Variants in ZBTB16 observed in about 807,000 individuals in gnomAD.
The protein encoded by ZBTB16 is zinc finger and BTB domain-containing protein 16.
A neutral mutation model predicts 56.8 loss-of-function variants in ZBTB16; 8 were observed. The ratio of observed to expected loss-of-function variants is 0.14; its 90% CI spans 0.08 to 0.25. ZBTB16 has a LOEUF of 0.25. Ranked by LOEUF, ZBTB16 falls within the 10% of genes least tolerant of loss-of-function variation. The pLI is 1.00. For synonymous variants in ZBTB16, 363 were observed against 368.5 expected, an observed-to-expected ratio of 0.98 and a Z score of 0.17; for missense variants, 625 against 903.0, an observed-to-expected ratio of 0.69 and a Z score of 3.95.
At chr11:114,165,640 T>C (rs1942727318) in intron 3 of ZBTB16, among the ~76,000 whole-genome samples, 1 of 152,172 alleles carries the variant, frequency 6.6e-6, no homozygotes, top group Non-Finnish European at 1.5e-5. Context: ...AAAAGGATTA[T>C]AAATACCAGG....
At chr11:114,174,222 C>T (rs1470476357) in intron 3 of ZBTB16, among the ~76,000 whole-genome samples, 2 of 152,150 alleles carry the variant, frequency 1.3e-5, no homozygotes, top group Non-Finnish European at 2.9e-5. Flanking sequence ...TTGTTTCGTG[C>T]CTGGACCAGG....
At chr11:114,102,132 C>G (rs1048773679) in intron 2 of ZBTB16, among the ~76,000 whole-genome samples, 3 of 152,202 alleles carry the variant, frequency 2.0e-5, no homozygotes, top group Non-Finnish European at 2.9e-5. Flanking sequence ...TCCCAGACCT[C>G]TGGGACATAC....
intron 2 of ZBTB16, among the ~76,000 whole-genome samples, chr11:114,122,701 A>G (rs920017138): frequency 6.6e-6 from 1 of 152,146 alleles, no homozygotes; most frequent in Non-Finnish European, 1.5e-5. Context: ...TGCAGACCAC[A>G]GAGTCGAAAA....
intron 4 of ZBTB16, among the ~76,000 whole-genome samples, chr11:114,240,596 G>C (rs1025824613): frequency 1.4e-4 from 21 of 152,178 alleles, no homozygotes; most frequent in African/African-American, 4.8e-4. Flanking sequence ...ACACAGATGG[G>C]CCTGCCGGGG....
intron 2 of ZBTB16, among the ~76,000 whole-genome samples, chr11:114,106,255 C>T (rs1019105299): frequency 6.6e-6 from 1 of 152,170 alleles, no homozygotes; most frequent in South Asian, 2.1e-4. Context: ...AGAGACTACT[C>T]ATCCCTTCCC....
intron 5 of ZBTB16, among the ~76,000 whole-genome samples, chr11:114,246,527 G>A (rs1944820951): frequency 6.6e-6 from 1 of 152,170 alleles, no homozygotes; most frequent in Non-Finnish European, 1.5e-5. Context: ...GCATAAAAAT[G>A]ATACCACACT....
At chr11:114,245,282 G>C (rs1363536654) in intron 5 of ZBTB16, among the ~76,000 whole-genome samples, 1 of 152,218 alleles carries the variant, frequency 6.6e-6, no homozygotes, top group African/African-American at 2.4e-5. Context: ...CTGCAGGTGA[G>C]GGACTCGCTG....
chr11:114,254,615 CTG>C lies in ZBTB16; in HGVS notation c.*4061_*4062del. 6.6e-6 allele frequency among the ~76,000 whole-genome samples: 1 copy of C among 152,090 alleles called. No individual in the cohort carries two copies. Among genetic ancestry groups the C allele is most frequent in the East Asian group, 1.9e-4 (1 of 5,188 alleles). ...CCGGCAAGCCGAGCTAGGGTGAAAACTGGGGGCGCACCAGGATGTGAGACAGA... is the reference window on the plus strand; with the variant it reads ...CCGGCAAGCCGAGCTAGGGTGAAAACGGGGCGCACCAGGATGTGAGACAGA... On this transcript the variant is annotated 3_prime_UTR_variant, in exon 7 of 7. Coordinates refer to ENST00000335953, the MANE Select transcript of ZBTB16 (RefSeq NM_006006.6).
chr11:114,116,209 TG>T (rs1941170885), intron 2 of ZBTB16, among the ~76,000 whole-genome samples: 1 of 152,150 alleles, frequency 6.6e-6, no homozygotes, highest in Non-Finnish European at 1.5e-5. Context: ...CATTAATAGC[TG>T]GGGAGCCACT....
chr11:114,182,700 C>G (rs1018329390), intron 3 of ZBTB16, among the ~76,000 whole-genome samples: 1 of 152,162 alleles, frequency 6.6e-6, no homozygotes, highest in Non-Finnish European at 1.5e-5. Flanking sequence ...TTCTTCCCTC[C>G]CACTTCGCCC....
Position 114,059,716 on chromosome 11 carries a change from AGAG to A in ZBTB16, c.-253_-251del. 2.5e-6 allele frequency: 1 copy of A among 398,140 alleles called. No homozygotes were observed. The highest frequency in any genetic ancestry group is 4.4e-6 in the Non-Finnish European group (1 of 225,960). The allele number at this position is 398,140 out of a possible 1,614,324, so 24.7% of individuals were successfully genotyped here. On this transcript the variant is annotated 5_prime_UTR_variant, in exon 1 of 7. Coordinates refer to ENST00000335953, the MANE Select transcript of ZBTB16 (RefSeq NM_006006.6). This position sits in a 1 kb window ranked among gnomAD's most constrained non-coding sequence, Gnocchi z 5.3. The stretch of plus-strand genomic sequence containing the variant: ...TGGTGATTTGCTAACCTCGCAGCAG[AGAG>A]GAGTTGAGGGCGATGAGAGCGGGTA...
intron 2 of ZBTB16, among the ~76,000 whole-genome samples, chr11:114,076,900 C>T (rs1389276688): frequency 6.6e-6 from 1 of 152,110 alleles, no homozygotes; most frequent in Non-Finnish European, 1.5e-5. Context: ...GTCCTGACAG[C>T]TACAAGAGTA....
chr11:114,124,472 T>C (rs73000978), intron 2 of ZBTB16, among the ~76,000 whole-genome samples: 14,303 of 148,646 alleles, frequency 0.096, 881 homozygotes, highest in Non-Finnish European at 0.14. Flanking sequence ...GTTCTGGAAT[T>C]CCAGCCTTGC....
rs1565698257 is a variant in ZBTB16, at chr11:114,230,645, G to GA, written c.1454-11520dup. Among the ~76,000 whole-genome samples the GA allele has an allele frequency of 8.7e-5, 10 of 114,510 alleles. 1 individual carries two copies. The highest frequency in any genetic ancestry group is 3.7e-4 in the Admixed American group (4 of 10,772). 75.1% of individuals were successfully genotyped at this position (114,510 alleles called of 152,430 possible). ...ATCATCTTCTGTGGGGGGGGGGCGG[G>GA]AAGGAGAGGAGCCATTAAAATGTCA... On this transcript the variant is annotated intron_variant, in intron 4 of 6. Coordinates refer to ENST00000335953, the MANE Select transcript of ZBTB16 (RefSeq NM_006006.6).
chr11:114,072,690 T>C (rs1232333947), intron 2 of ZBTB16, among the ~76,000 whole-genome samples: 3 of 152,084 alleles, frequency 2.0e-5, no homozygotes, highest in Non-Finnish European at 4.4e-5. Context: ...TCCTGTAAGG[T>C]GGGTATCAGT....
chr11:114,168,974 G>A (rs1942875349), intron 3 of ZBTB16, among the ~76,000 whole-genome samples: 1 of 152,206 alleles, frequency 6.6e-6, no homozygotes, highest in Non-Finnish European at 1.5e-5. Flanking sequence ...TTGGGGATAG[G>A]AGGGTTCTGG....
rs533008188 is a variant in ZBTB16 at position 114,160,639 on chromosome 11, CTGTTT to C, written c.1366+4207_1366+4211del. On this transcript the variant is annotated intron_variant, in intron 3 of 6. Coordinates refer to ENST00000335953, the MANE Select transcript of ZBTB16 (RefSeq NM_006006.6). The stretch of plus-strand genomic sequence containing the variant: ...TCCCTTTTTCTCTCTCCCTTACTTT[CTGTTT>C]TAAGGGTTTTTAAAAGAGCCTAAAT... Among the ~76,000 whole-genome samples, 103 of 152,284 alleles carry C rather than the reference CTGTTT, an allele frequency of 6.8e-4. 1 individual carries two copies. The South Asian group carries it at 0.011, about 16-fold the overall frequency.
intron 2 of ZBTB16, among the ~76,000 whole-genome samples, chr11:114,091,606 C>T (rs1041557308): frequency 1.1e-4 from 16 of 150,140 alleles, no homozygotes; most frequent in South Asian, 2.2e-4. Context: ...TTGTTCCTCC[C>T]TCCCTCCCTC....
intron 2 of ZBTB16, among the ~76,000 whole-genome samples, chr11:114,148,426 T>TCC (rs1357380109): frequency 1.3e-4 from 2 of 15,014 alleles, no homozygotes; most frequent in African/African-American, 5.0e-4. Context: ...CCTCCCTCCC[T>TCC]CTCTCTCTCT....
Sources: allele counts gnomAD v4.1 joint callset (sites outside exome capture counted in the v4.1 genomes callset), GRCh38; gene constraint gnomAD v4.1.1; non-coding constraint Gnocchi (gnomAD v3.1); transcripts MANE v1.5; gene names NCBI Gene and HGNC (gene_info 2026-07-23, HGNC 2026-07-21).